The following SPTLC2 variants were observed in gnomAD, a reference collection of about 807,000 sequenced individuals.
The protein encoded by SPTLC2 is serine palmitoyltransferase long chain base subunit 2.
Under a neutral mutation model 62.0 loss-of-function variants are expected in SPTLC2, and 21 were observed. The observed-to-expected ratio is 0.34, with a 90% CI of 0.24 to 0.49. SPTLC2 has a LOEUF of 0.49. Ranked by LOEUF, SPTLC2 falls within the 20% of genes least tolerant of loss-of-function variation. The probability of loss-of-function intolerance (pLI) is 0.99; values close to 1 mark genes in which losing one functional copy is unlikely to be tolerated. For missense variants in SPTLC2, 511 were observed against 713.0 expected (o/e 0.72, Z 3.23); for synonymous variants, 261 against 261.8 (o/e 1.00, Z 0.03).
chr14:77,562,598 T>C, intron 5 of SPTLC2, 109 bp from the exon 6 acceptor site: 1 of 820,508 alleles, frequency 1.2e-6, no homozygotes. Context: ...AAGGAAATTG[T>C]GCACAACAGC....
At chr14:77,611,385 C>G (rs1463842776) in intron 1 of SPTLC2, among the ~76,000 whole-genome samples, 4 of 149,674 alleles carry the variant, frequency 2.7e-5, no homozygotes, top group African/African-American at 9.8e-5. Flanking sequence ...ATCGCTTGAG[C>G]CCGAGAAGTT....
chr14:77,614,488 C>T (rs1439240345), intron 1 of SPTLC2, among the ~76,000 whole-genome samples: 2 of 151,888 alleles, frequency 1.3e-5, no homozygotes, highest in African/African-American at 4.8e-5. Context: ...CACAGTGAAA[C>T]CCCGTATCTA....
intron 5 of SPTLC2, among the ~76,000 whole-genome samples, chr14:77,565,119 G>A (rs192359642): frequency 8.3e-4 from 126 of 151,810 alleles, no homozygotes; most frequent in Middle Eastern, 6.8e-3. Context: ...GTGGGTGCCT[G>A]TAATCCCAGC....
rs1308970558 is a variant in SPTLC2, at chr14:77,509,039, G to A, written c.*3245C>T. The A allele has an allele frequency of 1.3e-5, 2 of 152,210 alleles. No homozygotes were observed. Among genetic ancestry groups the A allele is most frequent in the African/African-American group, 4.8e-5 (2 of 41,450 alleles). The allele number at this position is 152,210 out of a possible 1,614,324, so 9.4% of individuals were successfully genotyped here. On this transcript the variant is annotated 3_prime_UTR_variant, in exon 12 of 12. Transcript: ENST00000216484. The stretch of plus-strand genomic sequence containing the variant: ...TTTGAAGAGGCATGACACAAACATA[G>A]AGCCCTTAGTGGTTGTGTAGGATGC...
intron 1 of SPTLC2, among the ~76,000 whole-genome samples, chr14:77,609,455 G>T (rs12887526): frequency 0.44 from 67,184 of 151,798 alleles, 15,131 homozygotes; most frequent in East Asian, 0.63. Flanking sequence ...AATAACGTGG[G>T]GCTAGACACA....
rs188519677 is a variant in SPTLC2, at chr14:77,517,179, G to A, written c.1569+859C>T. 9.1e-4 allele frequency among the ~76,000 whole-genome samples: 139 copies of A among 152,274 alleles called. 1 individual carries two copies. The Middle Eastern group carries it at 0.027, about 30-fold the overall frequency. Reference sequence around the variant, plus strand: ...AATTGCTTGAACCCAGGAGGCAGAGGATGTGGTGAGCTGAGATCACGCCAT... The same window carrying A: ...AATTGCTTGAACCCAGGAGGCAGAGAATGTGGTGAGCTGAGATCACGCCAT... On this transcript the variant is annotated intron_variant, in intron 11 of 11. Coordinates refer to ENST00000216484, the MANE Select transcript of SPTLC2 (RefSeq NM_004863.4).
At chr14:77,533,329 C>T (rs1036002319) in intron 9 of SPTLC2, among the ~76,000 whole-genome samples, 5 of 150,008 alleles carry the variant, frequency 3.3e-5, no homozygotes, top group African/African-American at 1.2e-4. Context: ...AAGTAACTGT[C>T]TCTGGGTGAG....
intron 3 of SPTLC2, among the ~76,000 whole-genome samples, chr14:77,578,098 T>C (rs2079726976): frequency 6.6e-6 from 1 of 152,076 alleles, no homozygotes; most frequent in African/African-American, 2.4e-5. Context: ...TGGGCTAAGA[T>C]TGTGACACTG....
chr14:77,507,341 T>TC lies in SPTLC2; in HGVS notation c.*4942_*4943insG, dbSNP rs1402888249. 1 of 151,908 alleles carries TC rather than the reference T, an allele frequency of 6.6e-6. No individual in the cohort carries two copies. Among genetic ancestry groups the TC allele is most frequent in the African/African-American group, 2.4e-5 (1 of 41,236 alleles). 9.4% of individuals were successfully genotyped at this position (151,908 alleles called of 1,614,324 possible). The stretch of plus-strand genomic sequence containing the variant: ...AGGGGCCTGGGCACACCTTTTTTTT[T>TC]TTTTTTTGAGACAGAGTCTCCCTCT... On this transcript the variant is annotated 3_prime_UTR_variant, in exon 12 of 12. Transcript: ENST00000216484.
intron 9 of SPTLC2, among the ~76,000 whole-genome samples, chr14:77,528,546 A>G (rs1291576292): frequency 6.6e-6 from 1 of 151,822 alleles, no homozygotes; most frequent in Non-Finnish European, 1.5e-5. Flanking sequence ...TTTTCTTCTT[A>G]AAGGTTATAT....
intron 9 of SPTLC2, among the ~76,000 whole-genome samples, chr14:77,536,688 T>C (rs1465627944): frequency 2.0e-5 from 3 of 152,152 alleles, no homozygotes; most frequent in East Asian, 1.9e-4. Context: ...CACTTTTCTA[T>C]GTAAACAAAA....
At chr14:77,587,434 T>A (rs1459308947) in intron 2 of SPTLC2, among the ~76,000 whole-genome samples, 2 of 151,944 alleles carry the variant, frequency 1.3e-5, no homozygotes, top group Admixed American at 1.3e-4. Context: ...TATTCATCAC[T>A]GACAAGAAAT....
chr14:77,570,246 A>T, intron 5 of SPTLC2, 138 bp downstream of exon 5: 1 of 1,228,708 alleles, frequency 8.1e-7, no homozygotes, highest in Non-Finnish European at 1.1e-6. Flanking sequence ...AAAAAGAAAA[A>T]CAATTTGTGG....
At chr14:77,595,587 T>A (rs1339609926) in intron 2 of SPTLC2, among the ~76,000 whole-genome samples, 1 of 152,060 alleles carries the variant, frequency 6.6e-6, no homozygotes, top group Non-Finnish European at 1.5e-5. Flanking sequence ...AGAGAAAGGA[T>A]GCCTAATCTT....
At position 77,576,865 on chromosome 14, in the gene SPTLC2, T is replaced by C. The variant is rs1011016523; in HGVS notation, c.533A>G (p.Tyr178Cys). 1.9e-6 allele frequency: 3 copies of C among 1,614,172 alleles called. No individual in the cohort carries two copies. Among genetic ancestry groups the C allele is most frequent in the East Asian group, 2.2e-5 (1 of 44,882 alleles). The change falls in exon 4 of 12, where the codon TAT (tyrosine) becomes TGT (cysteine). Residue 178 changes from tyrosine (Y) to cysteine (C), a missense_variant. Physicochemically the swap from Tyr to Cys is radical, Grantham distance 194. Coordinates refer to ENST00000216484, the MANE Select transcript of SPTLC2 (RefSeq NM_004863.4). The part of the protein sequence containing the change: ...KGVINMGSYN[Y>C]LGFARNTGSC... ...TCCAGTATTCCGTGCAAATCCAAGATAGTTGTAGGAACCCATGTTTATAAC... is the reference window on the plus strand; with the variant it reads ...TCCAGTATTCCGTGCAAATCCAAGACAGTTGTAGGAACCCATGTTTATAAC...
chr14:77,597,112 A>G, intron 2 of SPTLC2, 74 bp downstream of exon 2: 1 of 1,485,904 alleles, frequency 6.7e-7, no homozygotes, highest in Non-Finnish European at 9.2e-7. Context: ...TCTGAGAAAA[A>G]GCTTTTGTGC....
At chr14:77,608,071 CG>C (rs1204881914) in intron 1 of SPTLC2, among the ~76,000 whole-genome samples, 1 of 152,150 alleles carries the variant, frequency 6.6e-6, no homozygotes, top group African/African-American at 2.4e-5. Flanking sequence ...GAGAGGGTGC[CG>C]CAAAAGTCAC....
chr14:77,609,645 G>A (rs1241006858), intron 1 of SPTLC2, among the ~76,000 whole-genome samples: 1 of 152,106 alleles, frequency 6.6e-6, no homozygotes. Flanking sequence ...GCGGAGGCAG[G>A]AGAACTGCTT....
intron 7 of SPTLC2, among the ~76,000 whole-genome samples, chr14:77,556,210 C>T (rs1203162588): frequency 6.6e-6 from 1 of 151,990 alleles, no homozygotes; most frequent in South Asian, 2.1e-4. Flanking sequence ...GTAATCCCAG[C>T]TACTCGGGAG....
Sources: gnomAD v4.1 joint callset for allele counts (sites outside exome capture counted in the v4.1 genomes callset) on GRCh38, gnomAD v4.1.1 for gene constraint, MANE v1.5 for transcripts, NCBI Gene and HGNC (gene_info 2026-07-23, HGNC 2026-07-21) for gene names.